TLK1: variants seen among roughly 807,000 people sequenced by gnomAD.
TLK1 encodes tousled like kinase 1.
Under a neutral mutation model 105.3 loss-of-function variants are expected in TLK1, and 24 were observed. That is an observed-to-expected ratio of 0.23 (90% CI 0.17 to 0.32). The LOEUF (loss-of-function observed/expected upper bound fraction) is 0.32, where lower values mean the gene tolerates loss of function less well. TLK1 is among the 10% of genes least tolerant of loss of function. The probability of loss-of-function intolerance (pLI) is 1.00; values close to 1 mark genes in which losing one functional copy is unlikely to be tolerated. For synonymous variants in TLK1, 321 were observed against 310.4 expected, an observed-to-expected ratio of 1.03 and a Z score of -0.36; for missense variants, 558 against 910.5, an observed-to-expected ratio of 0.61 and a Z score of 4.98.
At chr2:170,995,148 T>G (rs1410842865) in intron 20 of TLK1, among the ~76,000 whole-genome samples, 1 of 151,782 alleles carries the variant, frequency 6.6e-6, no homozygotes, top group African/African-American at 2.4e-5. Context: ...CTTTGAAAAA[T>G]GATTAAGAGG....
At chr2:171,009,331 T>C (rs1684800038) in intron 14 of TLK1, among the ~76,000 whole-genome samples, 1 of 135,006 alleles carries the variant, frequency 7.4e-6, no homozygotes, top group African/African-American at 3.0e-5. Flanking sequence ...AGAGAAAATG[T>C]CTCCCTCTGT....
intron 3 of TLK1, chr2:171,066,908 G>A (rs1361272096): frequency 4.5e-6 from 7 of 1,550,132 alleles, no homozygotes; most frequent in African/African-American, 1.4e-5. Flanking sequence ...GAAGGGTGGG[G>A]GTTGGGAAGT....
In TLK1 at chr2:171,204,435, A is replaced by G. The variant is rs565759823; in HGVS notation, c.-6+26710T>C. ...AGAAAAATAAAGGTAGACTTAGAAT[A>G]TCTTAATGTTTTCAGGAAGCAAAGA... On this transcript the variant is annotated intron_variant, in intron 1 of 20. Transcript: ENST00000521943. 2.6e-5 allele frequency among the ~76,000 whole-genome samples: 4 copies of G among 152,272 alleles called. No individual in the cohort carries two copies. The South Asian group carries it at 8.3e-4, about 32-fold the overall frequency.
At chr2:171,145,410 T>G (rs1052662870) in intron 1 of TLK1, among the ~76,000 whole-genome samples, 6 of 151,950 alleles carry the variant, frequency 3.9e-5, no homozygotes, top group African/African-American at 7.3e-5. Context: ...GTCAACATGG[T>G]GAAACCCTGT....
chr2:171,192,661 C>G (rs1693178160), intron 1 of TLK1, among the ~76,000 whole-genome samples: 4 of 151,888 alleles, frequency 2.6e-5, no homozygotes, highest in Admixed American at 2.6e-4. Context: ...GCCTGGGTGA[C>G]AGAGTGAGAC....
chr2:171,199,462 G>A (rs1198381101), intron 1 of TLK1, among the ~76,000 whole-genome samples: 2 of 151,994 alleles, frequency 1.3e-5, no homozygotes, highest in East Asian at 1.9e-4. Context: ...GCAGTGAGCC[G>A]TGATCACATC....
At chr2:171,231,218 G>GGA (rs1693989480) in exon 1 of TLK1, 1 of 152,136 alleles carries the variant, frequency 6.6e-6, no homozygotes, top group Non-Finnish European at 1.5e-5. Context: ...AGGGAGCCTA[G>GGA]GAGAAGCTAG....
chr2:171,155,880 A>G (rs1692212819), intron 1 of TLK1: 1 of 152,176 alleles, frequency 6.6e-6, no homozygotes, highest in African/African-American at 2.4e-5. Context: ...AAGCAGGAGA[A>G]TGGATCTATT....
chr2:171,037,923 G>A (rs541706151), intron 11 of TLK1, among the ~76,000 whole-genome samples: 1 of 152,274 alleles, frequency 6.6e-6, no homozygotes. Context: ...GTTTGTAAAA[G>A]ACTGGCACTA....
chr2:170,993,467 A>G lies in TLK1; in HGVS notation c.*313T>C. 1 of 223,562 alleles carries G rather than the reference A, an allele frequency of 4.5e-6. No individual in the cohort carries two copies. The highest frequency in any genetic ancestry group is 8.6e-6 in the Non-Finnish European group (1 of 115,926). The allele number at this position is 223,562 out of a possible 1,614,324, so 13.8% of individuals were successfully genotyped here. Reference sequence around the variant, plus strand: ...TTTAAGTATTATAAACGTTATTTACAGTGTTCCCCCAAATAAACAAAATTT... The same window carrying G: ...TTTAAGTATTATAAACGTTATTTACGGTGTTCCCCCAAATAAACAAAATTT... On this transcript the variant is annotated 3_prime_UTR_variant, in exon 21 of 21. Transcript: ENST00000431350.
chr2:171,107,671 A>G (rs1689987425), intron 2 of TLK1, among the ~76,000 whole-genome samples: 1 of 152,218 alleles, frequency 6.6e-6, no homozygotes, highest in Non-Finnish European at 1.5e-5. Flanking sequence ...GACTGATAAA[A>G]GATCTCTAAA....
intron 11 of TLK1, among the ~76,000 whole-genome samples, chr2:171,036,057 T>C (rs1019776180): frequency 1.3e-5 from 2 of 152,220 alleles, no homozygotes; most frequent in Non-Finnish European, 2.9e-5. Flanking sequence ...CAGATCTTCT[T>C]ACCTGGAAGT....
intron 1 of TLK1, among the ~76,000 whole-genome samples, chr2:171,128,934 T>C (rs1690981200): frequency 6.6e-6 from 1 of 152,078 alleles, no homozygotes; most frequent in African/African-American, 2.4e-5. Flanking sequence ...ACTAAGCATC[T>C]CTGTCCCAAA....
intron 1 of TLK1, among the ~76,000 whole-genome samples, chr2:171,215,688 A>C (rs924764458): frequency 1.3e-5 from 2 of 152,204 alleles, no homozygotes; most frequent in African/African-American, 4.8e-5. Context: ...AAAAGAAGAA[A>C]TATTTCTCTG....
chr2:171,140,786 G>A (rs536174634), intron 1 of TLK1, among the ~76,000 whole-genome samples: 2 of 152,020 alleles, frequency 1.3e-5, no homozygotes, highest in East Asian at 1.9e-4. Context: ...AGAAAATAAC[G>A]CAAATAAAAT....
At chr2:171,221,220 G>C (rs1014403076) in intron 1 of TLK1, among the ~76,000 whole-genome samples, 1 of 152,102 alleles carries the variant, frequency 6.6e-6, no homozygotes, top group Admixed American at 6.6e-5. Flanking sequence ...TCATTACTTA[G>C]ACACTGTCCA....
At chr2:171,015,947 G>A (rs532939931) in intron 12 of TLK1, among the ~76,000 whole-genome samples, 6 of 151,870 alleles carry the variant, frequency 4.0e-5, no homozygotes, top group East Asian at 2.0e-4. Flanking sequence ...GCGTGGTGGC[G>A]CATGCCTGTA....
chr2:171,172,433 T>C (rs1337396865), intron 1 of TLK1, among the ~76,000 whole-genome samples: 1 of 152,156 alleles, frequency 6.6e-6, no homozygotes, highest in Non-Finnish European at 1.5e-5. Flanking sequence ...AATAAAAATA[T>C]AGACACACCA....
intron 3 of TLK1, among the ~76,000 whole-genome samples, chr2:171,082,060 T>G (rs1413836365): frequency 7.5e-6 from 1 of 133,738 alleles, no homozygotes; most frequent in Admixed American, 7.3e-5. Flanking sequence ...CACACACAAG[T>G]GACAGACCTG....
Sources: gnomAD v4.1 joint callset for allele counts (sites outside exome capture counted in the v4.1 genomes callset) on GRCh38, gnomAD v4.1.1 for gene constraint, MANE v1.5 for transcripts, NCBI Gene and HGNC (gene_info 2026-07-23, HGNC 2026-07-21) for gene names.